Variants in FKBP15 observed in about 807,000 individuals in gnomAD.
FKBP15 encodes the protein FKBP prolyl isomerase family member 15.
Under a neutral mutation model 158.1 loss-of-function variants are expected in FKBP15, and 106 were observed. The ratio of observed to expected loss-of-function variants is 0.67; its 90% CI spans 0.57 to 0.79. The LOEUF (loss-of-function observed/expected upper bound fraction) is 0.79. FKBP15 is among the 30% of genes least tolerant of loss of function. The pLI is 0.00. For synonymous variants in FKBP15, 547 were observed against 548.6 expected, an observed-to-expected ratio of 1.00 and a Z score of 0.04; for missense variants, 1,287 against 1,479.1, an observed-to-expected ratio of 0.87 and a Z score of 2.13.
intron 9 of FKBP15, among the ~76,000 whole-genome samples, chr9:113,195,314 C>T (rs571447901): frequency 9.8e-5 from 15 of 152,306 alleles, no homozygotes; most frequent in Admixed American, 5.2e-4. Flanking sequence ...TGATTCTCTA[C>T]CAGCCTTGTG....
chr9:113,213,825 G>A (rs1276714144), intron 1 of FKBP15, among the ~76,000 whole-genome samples: 3 of 152,140 alleles, frequency 2.0e-5, no homozygotes, highest in Non-Finnish European at 4.4e-5. Flanking sequence ...TCACACTTTA[G>A]GTATTCTGTT....
At chr9:113,212,275 G>A (rs10981689) in intron 1 of FKBP15, among the ~76,000 whole-genome samples, 23,311 of 151,866 alleles carry the variant, frequency 0.15, 2,163 homozygotes, top group East Asian at 0.39. Context: ...TGCAACCTCC[G>A]CTTCCCAGGT....
In FKBP15 at chr9:113,207,201, C is replaced by T; in HGVS notation, c.254+11G>A. ...CCAAACTTCAGAGGGTGTTCCTTCT[C>T]AGCGACTTACTATCGATATGCATGG... On this transcript the variant is annotated intron_variant, in intron 3 of 27. Transcript: ENST00000238256. 1 of 1,608,096 alleles carries T rather than the reference C, an allele frequency of 6.2e-7. No individual in the cohort carries two copies. The highest frequency in any genetic ancestry group is 1.1e-5 in the South Asian group (1 of 90,798).
At chr9:113,193,814 A>G (rs1486177479) in intron 10 of FKBP15, among the ~76,000 whole-genome samples, 5 of 152,180 alleles carry the variant, frequency 3.3e-5, no homozygotes, top group Non-Finnish European at 7.3e-5. Flanking sequence ...CCAGAATTTT[A>G]TAAGTATTCT....
Position 113,206,895 on chromosome 9 carries a change from T to A in FKBP15, c.254+317A>T, listed in dbSNP as rs73655847. Reference sequence around the variant, plus strand: ...CCGCACCCGGCCCAGCAGTTTATAATTTAAAGCTCATATACTATTCCCTTA... The same window carrying A: ...CCGCACCCGGCCCAGCAGTTTATAAATTAAAGCTCATATACTATTCCCTTA... On this transcript the variant is annotated intron_variant, in intron 3 of 27. Coordinates refer to ENST00000238256, the MANE Select transcript of FKBP15 (RefSeq NM_015258.2). 3,446 of 427,576 alleles carry A rather than the reference T, an allele frequency of 8.1e-3. 112 individuals carry two copies. Among genetic ancestry groups the A allele is most frequent in the African/African-American group, 0.062 (3,135 of 50,208 alleles). The allele number at this position is 427,576 out of a possible 1,614,324, so 26.5% of individuals were successfully genotyped here. A position where few individuals can be genotyped will look rare whatever the true frequency, so the allele number is the denominator to read the frequency against.
At chr9:113,215,640 ATATAT>A (rs1440662141) in intron 1 of FKBP15, among the ~76,000 whole-genome samples, 23 of 100,996 alleles carry the variant, frequency 2.3e-4, no homozygotes, top group African/African-American at 8.4e-4. Context: ...ATATATATAT[ATATAT>A]TTTTTTTTTT....
chr9:113,201,748 T>C (rs541048231), intron 6 of FKBP15, among the ~76,000 whole-genome samples: 10 of 152,364 alleles, frequency 6.6e-5, no homozygotes, highest in African/African-American at 2.4e-4. Flanking sequence ...AACCAGACTA[T>C]GGTAATTTGT....
intron 3 of FKBP15, 58 bp from the exon 4 acceptor site, chr9:113,206,636 CT>C: frequency 7.3e-7 from 1 of 1,375,174 alleles, no homozygotes. Context: ...GCAGAACCAG[CT>C]TTCTTTTCTG....
intron 12 of FKBP15, 63 bp from the exon 13 acceptor site, chr9:113,188,554 A>G: frequency 7.4e-7 from 1 of 1,346,304 alleles, no homozygotes; most frequent in Non-Finnish European, 1.1e-6. Flanking sequence ...ACTGAGGCTG[A>G]CTGTCTGCCC....
rs1179741589 is a variant in FKBP15, at chr9:113,198,863, CTT to C, written c.707_708del (p.Lys236SerfsTer51). On this transcript the variant is annotated frameshift_variant, in exon 8 of 28. Transcript: ENST00000238256. LOFTEE classifies it high-confidence loss of function. The surrounding 1 kb of genome is among the most constrained non-coding windows in gnomAD (Gnocchi z 5.2). ...KLLRLKLGSG[K>X]VIKGWEDGML... ...CACAGTTAAGCCTTTACCTTGATGACTTTTCCTGATCCTAACTTCAAGCGAAG... is the reference window on the plus strand; with the variant it reads ...CACAGTTAAGCCTTTACCTTGATGACTTCCTGATCCTAACTTCAAGCGAAG... 2 of 1,602,944 alleles carry C rather than the reference CTT, an allele frequency of 1.2e-6. No homozygotes were observed. The highest frequency in any genetic ancestry group is 2.7e-5 in the African/African-American group (2 of 74,810).
In FKBP15 at chr9:113,183,839, C is replaced by G. The variant is rs1287151299; in HGVS notation, c.1723G>C (p.Glu575Gln). 2 of 1,611,292 alleles carry G rather than the reference C, an allele frequency of 1.2e-6. No individual in the cohort carries two copies. The highest frequency in any genetic ancestry group is 2.7e-5 in the African/African-American group (2 of 74,964). ...TCAAGGATCTCTTGCTTCAATCTTT[C>G]ATTTTCCTAATTTCAAAATATATGA... Reference protein sequence around the residue: ...SNIQRIIQENERLKQEILEKS... With the variant: ...SNIQRIIQENQRLKQEILEKS... Residue 575 changes from glutamate (E) to glutamine (Q), a missense_variant, in exon 18 of 28, where the codon GAA (glutamate) becomes CAA (glutamine). Glu to Gln is a conservative substitution (Grantham distance 29). Coordinates refer to ENST00000238256, the MANE Select transcript of FKBP15 (RefSeq NM_015258.2).
rs1830057897 is a variant in FKBP15 at position 113,163,905 on chromosome 9, C to T, written c.*2173G>A. On this transcript the variant is annotated 3_prime_UTR_variant, in exon 28 of 28. Coordinates refer to ENST00000238256, the MANE Select transcript of FKBP15 (RefSeq NM_015258.2). ...AAACATGATTCATTCACTTAAAATA[C>T]TGATTAAGCCATGGGCAGGTACTGA... is the stretch of plus-strand genomic sequence containing the variant. 1.8e-5 allele frequency: 1 copy of T among 56,730 alleles called. No homozygotes were observed. The highest frequency in any genetic ancestry group is 1.8e-4 in the Admixed American group (1 of 5,426). 3.5% of individuals were successfully genotyped at this position (56,730 alleles called of 1,614,324 possible).
chr9:113,216,516 A>T (rs1040341390), intron 1 of FKBP15, among the ~76,000 whole-genome samples: 2 of 152,188 alleles, frequency 1.3e-5, no homozygotes, highest in African/African-American at 4.8e-5. Context: ...AGACATCACC[A>T]AATGCTTATG....
intron 26 of FKBP15, among the ~76,000 whole-genome samples, 169 bp downstream of exon 26, chr9:113,169,055 C>T (rs1042404715): frequency 2.0e-5 from 3 of 150,440 alleles, no homozygotes; most frequent in East Asian, 1.9e-4. Flanking sequence ...CTGTAGGGCC[C>T]GCCACAGAGC....
At chr9:113,195,265 G>A (rs1334814914) in intron 9 of FKBP15, among the ~76,000 whole-genome samples, 1 of 152,162 alleles carries the variant, frequency 6.6e-6, no homozygotes, top group Admixed American at 6.5e-5. Flanking sequence ...CACCACAGTA[G>A]TGTATAAATC....
At chr9:113,205,324 GACAA>G (rs1830867489) in intron 4 of FKBP15, among the ~76,000 whole-genome samples, 1 of 152,070 alleles carries the variant, frequency 6.6e-6, no homozygotes, top group Admixed American at 6.6e-5. Flanking sequence ...ACAACAAAAA[GACAA>G]ACAATCCAAT....
At chr9:113,174,149 T>G (rs1319675649) in intron 22 of FKBP15, among the ~76,000 whole-genome samples, 1 of 152,234 alleles carries the variant, frequency 6.6e-6, no homozygotes, top group Non-Finnish European at 1.5e-5. Flanking sequence ...TTGATGGTTT[T>G]GGCCTTACCA....
intron 19 of FKBP15, among the ~76,000 whole-genome samples, chr9:113,179,614 T>A (rs1393778047): frequency 6.6e-6 from 1 of 150,404 alleles, no homozygotes; most frequent in Non-Finnish European, 1.5e-5. Flanking sequence ...TGAGCTGAGA[T>A]CGTGCCACTG....
At chr9:113,182,923 G>T in intron 18 of FKBP15, 55 bp from the exon 19 acceptor site, 1 of 1,414,596 alleles carries the variant, frequency 7.1e-7, no homozygotes, top group Non-Finnish European at 1.0e-6. Context: ...GTGTATGGCA[G>T]GCACAACCCA....
Sources: gnomAD v4.1 joint callset for allele counts (sites outside exome capture counted in the v4.1 genomes callset) on GRCh38, gnomAD v4.1.1 for gene constraint, Gnocchi (gnomAD v3.1) non-coding constraint, MANE v1.5 for transcripts, NCBI Gene and HGNC (gene_info 2026-07-23, HGNC 2026-07-21) for gene names.